The following SHISA9 variants were observed in gnomAD, a reference collection of about 807,000 sequenced individuals.
The protein encoded by SHISA9 is shisa family member 9, also known as protein shisa-9.
A neutral mutation model predicts 38.0 loss-of-function variants in SHISA9; 13 were observed. That is an observed-to-expected ratio of 0.34 (90% CI 0.22 to 0.54). SHISA9 has a LOEUF of 0.54. Among genes scored for constraint, SHISA9 ranks in the 20% least tolerant of loss-of-function variants. SHISA9 has a pLI of 0.91. For missense variants in SHISA9, 538 were observed against 575.8 expected (o/e 0.93, Z 0.67); for synonymous variants, 275 against 242.0 (o/e 1.14, Z -1.27).
chr16:13,517,250 C>G, the SHISA9 span, among the ~76,000 whole-genome samples: 1 of 152,174 alleles, frequency 6.6e-6, no homozygotes, highest in Non-Finnish European at 1.5e-5. Flanking sequence ...AAGAGACAAG[C>G]ACGAAATTGA....
At chr16:13,491,818 C>CTTTTTTTTT in the SHISA9 span, among the ~76,000 whole-genome samples, 66 of 44,528 alleles carry the variant, frequency 1.5e-3, 10 homozygotes, top group African/African-American at 1.9e-3. Flanking sequence ...ATTTATTGAC[C>CTTTTTTTTT]TTTTTTTTTT....
At chr16:13,190,170 G>A (rs1247922104) in intron 2 of SHISA9, among the ~76,000 whole-genome samples, 3 of 151,252 alleles carry the variant, frequency 2.0e-5, no homozygotes, top group South Asian at 2.1e-4. Flanking sequence ...ATGCTGGTGC[G>A]CTGCACCCAC....
At chr16:13,256,280 G>GTATT in the SHISA9 span, among the ~76,000 whole-genome samples, 2 of 151,884 alleles carry the variant, frequency 1.3e-5, no homozygotes, top group Non-Finnish European at 2.9e-5. Context: ...ATATGTGTAT[G>GTATT]TATTTATTTA....
chr16:13,035,948 C>G (rs1337645293), intron 2 of SHISA9, among the ~76,000 whole-genome samples: 1 of 152,118 alleles, frequency 6.6e-6, no homozygotes, highest in Admixed American at 6.5e-5. Context: ...ATTAAAACCA[C>G]AATAAGATAC....
At chr16:13,186,287 C>CTTT (rs1567239378) in intron 2 of SHISA9, among the ~76,000 whole-genome samples, 2 of 123,812 alleles carry the variant, frequency 1.6e-5, no homozygotes, top group Non-Finnish European at 3.4e-5. Flanking sequence ...ACCATCTTAA[C>CTTT]CTTTTTTTTT....
intron 3 of SHISA9, among the ~76,000 whole-genome samples, chr16:13,213,028 C>G (rs2051135088): frequency 6.6e-6 from 1 of 152,206 alleles, no homozygotes; most frequent in Non-Finnish European, 1.5e-5. Context: ...TTTTGATCTT[C>G]TGTTGGGTGT....
intron 2 of SHISA9, among the ~76,000 whole-genome samples, chr16:13,041,431 G>A (rs1196073009): frequency 1.3e-5 from 2 of 152,128 alleles, no homozygotes; most frequent in Admixed American, 6.6e-5. Context: ...TCTTCCTCCA[G>A]TGCAAACCTT....
intron 2 of SHISA9, among the ~76,000 whole-genome samples, chr16:13,178,290 T>G (rs1467603903): frequency 6.6e-6 from 1 of 151,726 alleles, no homozygotes; most frequent in Non-Finnish European, 1.5e-5. Flanking sequence ...GACATATTTG[T>G]AGGGTGACCA....
chr16:13,490,589 C>G, the SHISA9 span, among the ~76,000 whole-genome samples: 1 of 152,152 alleles, frequency 6.6e-6, no homozygotes, highest in Admixed American at 6.6e-5. Flanking sequence ...CAAATGAGGA[C>G]AGAACCTGAA....
chr16:13,257,919 T>A, the SHISA9 span, among the ~76,000 whole-genome samples: 3 of 152,228 alleles, frequency 2.0e-5, no homozygotes, highest in Non-Finnish European at 4.4e-5. Flanking sequence ...TAAAGAATGC[T>A]GAGATTTTGC....
the SHISA9 span, among the ~76,000 whole-genome samples, chr16:13,373,187 A>G: frequency 6.6e-6 from 1 of 152,206 alleles, no homozygotes; most frequent in African/African-American, 2.4e-5. Context: ...ACCCTGCAAT[A>G]TGAGGAAGTT....
intron 2 of SHISA9, among the ~76,000 whole-genome samples, chr16:13,004,294 C>T (rs1842353406): frequency 6.6e-6 from 1 of 152,202 alleles, no homozygotes; most frequent in African/African-American, 2.4e-5. Context: ...AATAGTGAGT[C>T]TGTGGCAGTG....
chr16:13,501,124 C>A, the SHISA9 span, among the ~76,000 whole-genome samples: 79 of 152,250 alleles, frequency 5.2e-4, no homozygotes, highest in Admixed American at 2.9e-3. Flanking sequence ...TAGTTTTCAA[C>A]CAAGGGTGCA....
the SHISA9 span, among the ~76,000 whole-genome samples, chr16:13,437,141 A>T: frequency 3.3e-5 from 5 of 152,176 alleles, no homozygotes; most frequent in Admixed American, 1.3e-4. Flanking sequence ...GACACAACCA[A>T]ACCACATCGT....
At chr16:12,914,886 C>A (rs78144039) in intron 1 of SHISA9, among the ~76,000 whole-genome samples, 1 of 152,156 alleles carries the variant, frequency 6.6e-6, no homozygotes, top group African/African-American at 2.4e-5. Context: ...AGTTCCCAGG[C>A]GACACTGCTA....
At chr16:13,035,084 C>A (rs1243277678) in intron 2 of SHISA9, among the ~76,000 whole-genome samples, 1 of 152,132 alleles carries the variant, frequency 6.6e-6, no homozygotes, top group Non-Finnish European at 1.5e-5. Flanking sequence ...TCTTTGCCCA[C>A]TTAAATCTGA....
At chr16:13,263,711 G>A in the SHISA9 span, among the ~76,000 whole-genome samples, 1 of 152,142 alleles carries the variant, frequency 6.6e-6, no homozygotes, top group African/African-American at 2.4e-5. Context: ...ATTCCTACAT[G>A]ACTGTGTATA....
At chr16:13,416,727 G>A in the SHISA9 span, among the ~76,000 whole-genome samples, 8 of 121,120 alleles carry the variant, frequency 6.6e-5, no homozygotes, top group East Asian at 9.3e-4. Context: ...AGAAAGAAAG[G>A]AAGAAAGAAA....
intron 3 of SHISA9, among the ~76,000 whole-genome samples, chr16:13,208,543 G>A (rs555910873): frequency 4.0e-5 from 6 of 148,908 alleles, no homozygotes; most frequent in East Asian, 2.0e-4. Flanking sequence ...CTGGGTTCAA[G>A]CGATTCTCCT....
Sources: gnomAD v4.1 joint callset for allele counts (sites outside exome capture counted in the v4.1 genomes callset) on GRCh38, gnomAD v4.1.1 for gene constraint, MANE v1.5 for transcripts, NCBI Gene and HGNC (gene_info 2026-07-23, HGNC 2026-07-21) for gene names.